IQUB: variants seen among roughly 807,000 people sequenced by gnomAD.
The protein encoded by IQUB is IQ motif and ubiquitin-like domain-containing protein.
IQUB carries 86 observed loss-of-function variants against 86.4 expected under a neutral mutation model. The observed-to-expected ratio is 1.00, with a 90% CI of 0.84 to 1.19. IQUB has a LOEUF of 1.19. IQUB is among the 50% of genes most tolerant of loss of function. The pLI, the probability that IQUB is intolerant of heterozygous loss-of-function variation, is 0.00. For missense variants in IQUB, 946 were observed against 916.9 expected, an observed-to-expected ratio of 1.03 and a Z score of -0.41; for synonymous variants, 289 against 304.5, an observed-to-expected ratio of 0.95 and a Z score of 0.53.
At chr7:123,486,811 T>C (rs997843086) in intron 7 of IQUB, among the ~76,000 whole-genome samples, 1 of 152,206 alleles carries the variant, frequency 6.6e-6, no homozygotes, top group African/African-American at 2.4e-5. Context: ...TCAGGACTCC[T>C]GGGCTTTGGA....
intron 7 of IQUB, among the ~76,000 whole-genome samples, chr7:123,489,966 A>C (rs1452030223): frequency 6.6e-6 from 1 of 152,020 alleles, no homozygotes; most frequent in African/African-American, 2.4e-5. Context: ...TAAGTATAAA[A>C]AAGAAATAAA....
At chr7:123,513,479 G>C (rs1177829151) in intron 1 of IQUB, among the ~76,000 whole-genome samples, 3 of 152,072 alleles carry the variant, frequency 2.0e-5, no homozygotes, top group African/African-American at 7.2e-5. Context: ...TTTGTATTGT[G>C]AAACCAAAAA....
At chr7:123,483,056 A>G (rs1269184090) in intron 7 of IQUB, among the ~76,000 whole-genome samples, 1 of 152,126 alleles carries the variant, frequency 6.6e-6, no homozygotes, top group Non-Finnish European at 1.5e-5. Context: ...ATTCCTAAAA[A>G]TACTTAGTGC....
At chr7:123,532,640 G>A (rs1291241065) in intron 1 of IQUB, 3 of 152,218 alleles carry the variant, frequency 2.0e-5, no homozygotes, top group South Asian at 4.2e-4. Context: ...GGTATAAAAG[G>A]GCTCAGAAAG....
At chr7:123,502,337 A>T in intron 6 of IQUB, 1 of 425,502 alleles carries the variant, frequency 2.4e-6, no homozygotes, top group South Asian at 2.9e-5. Context: ...CAGTGTTGAG[A>T]AGGCTAATAA....
rs144082734 is a variant in IQUB at position 123,501,684 on chromosome 7, T to C, written c.1023+913A>G. ...GAGAACTTCTAAGAAACATTTCCCA[T>C]CTCTTTTAACTTTGTTTCCAAAGGA... On this transcript the variant is annotated intron_variant, in intron 6 of 12. Coordinates refer to ENST00000324698, the MANE Select transcript of IQUB (RefSeq NM_178827.5). 5 of 152,276 alleles carry C rather than the reference T, an allele frequency of 3.3e-5. No homozygotes were observed. The East Asian group carries it at 9.7e-4, about 30-fold the overall frequency. 9.4% of individuals were successfully genotyped at this position (152,276 alleles called of 1,614,324 possible).
At chr7:123,512,413 C>CTAGTATAGAGTAACATTCA (rs1235377878) in intron 1 of IQUB, 69 bp from the exon 2 acceptor site, 51 of 925,396 alleles carry the variant, frequency 5.5e-5, no homozygotes, top group Non-Finnish European at 7.8e-5. Flanking sequence ...AAATTCATTG[C>CTAGTATAGAGTAACATTCA]TAGTATAGAG....
In IQUB at chr7:123,469,278, A is replaced by G. The variant is rs1053208895; in HGVS notation, c.1517T>C (p.Met506Thr). 82 of 1,608,962 alleles carry G rather than the reference A, an allele frequency of 5.1e-5. No individual in the cohort carries two copies. The highest frequency in any genetic ancestry group is 6.9e-5 in the Non-Finnish European group (81 of 1,177,532). ...RELQNIYKCI[M>T]LKNISQDERL... Reference sequence around the variant, plus strand: ...CTCATCTTGGGAGATATTTTTCAGCATAATGCACTTATAGATATTTTGCAG... The same window carrying G: ...CTCATCTTGGGAGATATTTTTCAGCGTAATGCACTTATAGATATTTTGCAG... The change falls in exon 9 of 13, where the codon ATG becomes ACG. Residue 506 changes from methionine (M) to threonine (T), a missense_variant. By Grantham distance (81) the Met-to-Thr change is moderately conservative. Transcript: ENST00000324698.
rs753026777 is a variant in IQUB, at chr7:123,529,724, TAAAAAA to T, written c.-5+4762_-5+4767del. Reference sequence around the variant, plus strand: ...AACATAGTGAAACCCTGTCTCTACTTAAAAAAAAAAAAAAAAAAAAAAAAAAACAGG... The same window carrying T: ...AACATAGTGAAACCCTGTCTCTACTTAAAAAAAAAAAAAAAAAAAAACAGG... On this transcript the variant is annotated intron_variant, in intron 1 of 12. Coordinates refer to ENST00000324698, the MANE Select transcript of IQUB (RefSeq NM_178827.5). Among the ~76,000 whole-genome samples the T allele has an allele frequency of 7.0e-4, 25 of 35,820 alleles. 1 individual carries two copies. Among genetic ancestry groups the T allele is most frequent in the African/African-American group, 1.6e-3 (13 of 7,924 alleles). The allele number at this position is 35,820 out of a possible 152,430, so 23.5% of individuals were successfully genotyped here.
intron 7 of IQUB, among the ~76,000 whole-genome samples, chr7:123,483,761 C>T (rs1404904): frequency 0.82 from 124,358 of 152,024 alleles, 50,927 homozygotes; most frequent in African/African-American, 0.84. Context: ...TTCCTTTGAG[C>T]AGATCTATTC....
intron 12 of IQUB, 78 bp from the exon 13 acceptor site, chr7:123,453,003 C>T (rs978451898): frequency 5.3e-5 from 57 of 1,070,378 alleles, no homozygotes; most frequent in Middle Eastern, 6.3e-4. Context: ...TGCCTCGGTG[C>T]CTTTGCTTGT....
intron 1 of IQUB, among the ~76,000 whole-genome samples, chr7:123,521,634 G>C (rs1796907639): frequency 7.2e-6 from 1 of 139,488 alleles, no homozygotes; most frequent in South Asian, 2.3e-4. Flanking sequence ...GTGATGGAGT[G>C]AGACCCTGTC....
intron 7 of IQUB, among the ~76,000 whole-genome samples, chr7:123,488,112 G>A (rs977248941): frequency 1.1e-4 from 16 of 151,902 alleles, no homozygotes; most frequent in African/African-American, 3.4e-4. Flanking sequence ...TTGGGAGGCC[G>A]AGGCGGGCGG....
intron 1 of IQUB, among the ~76,000 whole-genome samples, chr7:123,526,067 T>C (rs1222945849): frequency 2.8e-4 from 42 of 148,360 alleles, no homozygotes; most frequent in Admixed American, 2.6e-3. Context: ...GTCTGAGAGA[T>C]AGTTTGTTAT....
chr7:123,502,789 CTATA>C (rs59251090), intron 5 of IQUB, 37 bp from the exon 6 acceptor site: 1 of 1,462,224 alleles, frequency 6.8e-7, no homozygotes, highest in Non-Finnish European at 9.3e-7. Context: ...TCAGTATCCC[CTATA>C]TATATACATA....
In IQUB at chr7:123,461,519, T is replaced by C. The variant is rs758477056; in HGVS notation, c.1845A>G (p.Val615=). 68 of 1,612,152 alleles carry C rather than the reference T, an allele frequency of 4.2e-5. No individual in the cohort carries two copies. Among genetic ancestry groups the C allele is most frequent in the Non-Finnish European group, 5.4e-5 (64 of 1,178,924 alleles). The change falls in exon 11 of 13, where the codon GTA becomes GTG. Residue 615 remains valine, a synonymous_variant. Transcript: ENST00000324698. ...GGTATATGCGGCGTGAGGTGGATGA[T>C]ACAGAAAATTCTGTAGAAGGCAAAT... ...QLYLPSTEFS[V]SSTSRRIYRC... is the part of the protein sequence containing the mutation.
chr7:123,528,129 C>T (rs560220077), intron 1 of IQUB, among the ~76,000 whole-genome samples: 179 of 152,322 alleles, frequency 1.2e-3, no homozygotes, highest in African/African-American at 4.2e-3. Flanking sequence ...AACTCCCTGA[C>T]CCCTTGCGCT....
At chr7:123,519,592 A>G (rs1360624422) in intron 1 of IQUB, among the ~76,000 whole-genome samples, 2 of 152,176 alleles carry the variant, frequency 1.3e-5, no homozygotes, top group African/African-American at 4.8e-5. Flanking sequence ...TAGGAGCTTA[A>G]AAAGTTGATC....
chr7:123,530,413 C>T (rs1013115106), intron 1 of IQUB, among the ~76,000 whole-genome samples: 2 of 151,800 alleles, frequency 1.3e-5, no homozygotes, highest in Non-Finnish European at 2.9e-5. Flanking sequence ...TCCAGCCTGG[C>T]GACAGAGGGA....
Sources: allele counts gnomAD v4.1 joint callset (sites outside exome capture counted in the v4.1 genomes callset), GRCh38; gene constraint gnomAD v4.1.1; transcripts MANE v1.5; gene names NCBI Gene and HGNC (gene_info 2026-07-23, HGNC 2026-07-21).